KLHL24: variants seen among roughly 807,000 people sequenced by gnomAD.
KLHL24 encodes the protein kelch like family member 24.
In KLHL24, 29 loss-of-function variants were observed where a neutral mutation model predicts 53.4. That is an observed-to-expected ratio of 0.54 (90% CI 0.40 to 0.74). The LOEUF (loss-of-function observed/expected upper bound fraction) is 0.74, where lower values mean the gene tolerates loss of function less well. KLHL24 is among the 30% of genes least tolerant of loss of function. The pLI, the probability that KLHL24 is intolerant of heterozygous loss-of-function variation, is 0.00. For synonymous variants in KLHL24, 222 were observed against 253.7 expected, an observed-to-expected ratio of 0.88 and a Z score of 1.19; for missense variants, 504 against 744.0, an observed-to-expected ratio of 0.68 and a Z score of 3.75.
chr3:183,652,087 A>G (rs1447914318), intron 3 of KLHL24, among the ~76,000 whole-genome samples: 1 of 152,258 alleles, frequency 6.6e-6, no homozygotes, highest in Non-Finnish European at 1.5e-5. Context: ...CTCAAATATT[A>G]CTTAATTGTC....
intron 1 of KLHL24, among the ~76,000 whole-genome samples, 179 bp downstream of exon 1, chr3:183,635,972 G>C (rs1385746983): frequency 6.6e-6 from 1 of 152,156 alleles, no homozygotes; most frequent in Non-Finnish European, 1.5e-5. Flanking sequence ...TTCACCTGGG[G>C]GGTCTTCCTC....
At chr3:183,654,583 TTAATAA>T (rs1718592597) in intron 3 of KLHL24, among the ~76,000 whole-genome samples, 1 of 152,198 alleles carries the variant, frequency 6.6e-6, no homozygotes, top group South Asian at 2.1e-4. Flanking sequence ...ACATTTAAAC[TTAATAA>T]TAATAATTCA....
intron 5 of KLHL24, among the ~76,000 whole-genome samples, chr3:183,670,192 G>C (rs917414872): frequency 6.6e-6 from 1 of 152,176 alleles, no homozygotes; most frequent in African/African-American, 2.4e-5. Context: ...TTGAACCTCG[G>C]AGGTTGAGGC....
At chr3:183,636,232 G>C (rs1320402451) in intron 1 of KLHL24, 1 of 152,332 alleles carries the variant, frequency 6.6e-6, no homozygotes, top group African/African-American at 2.4e-5. Flanking sequence ...AAGCCCGGGG[G>C]AGTGCGACCG....
chr3:183,637,000 G>C (rs1577243185), intron 1 of KLHL24, among the ~76,000 whole-genome samples: 1 of 152,286 alleles, frequency 6.6e-6, no homozygotes, highest in South Asian at 2.1e-4. Flanking sequence ...TTATCTGCCG[G>C]GTGGTTCGCA....
At chr3:183,642,670 A>G (rs1716626080) in intron 1 of KLHL24, among the ~76,000 whole-genome samples, 1 of 150,446 alleles carries the variant, frequency 6.6e-6, no homozygotes, top group African/African-American at 2.4e-5. Context: ...GGATATGGGG[A>G]TTAAGTTTCT....
intron 3 of KLHL24, among the ~76,000 whole-genome samples, chr3:183,658,080 G>T (rs1445385270): frequency 1.3e-5 from 2 of 152,064 alleles, no homozygotes; most frequent in East Asian, 3.9e-4. Flanking sequence ...GGGTGTGGTG[G>T]TGGACACCTG....
In KLHL24 at chr3:183,650,946, A is replaced by G. The variant is rs116961268; in HGVS notation, c.590A>G (p.Asp197Gly). ...CKNFALQTFE[D>G]VSQHEEFLEL... ...AATTTTGCGTTACAGACTTTTGAGG[A>G]TGTATCCCAGCACGAAGAATTTCTT... The change falls in exon 3 of 8, where the codon GAT becomes GGT. Residue 197 changes from aspartate to glycine, a missense_variant. Physicochemically the swap from Asp to Gly is moderately conservative, Grantham distance 94 (BLOSUM62 -1). Transcript: ENST00000242810. The surrounding 1 kb of genome is among the most constrained non-coding windows in gnomAD (Gnocchi z 4.5). 2 of 1,614,214 alleles carry G rather than the reference A, an allele frequency of 1.2e-6. No homozygotes were observed. Among genetic ancestry groups the G allele is most frequent in the Middle Eastern group, 1.6e-4 (1 of 6,062 alleles).
rs776974028 is a variant in KLHL24, at chr3:183,671,139, G to A, written c.1330G>A (p.Val444Met). The A allele has an allele frequency of 4.5e-5, 73 of 1,614,058 alleles. No homozygotes were observed. The highest frequency in any genetic ancestry group is 6.0e-5 in the Non-Finnish European group (71 of 1,179,974). The change falls in exon 6 of 8, where the codon GTG (valine) becomes ATG (methionine). Residue 444 changes from valine to methionine, a missense_variant. Val to Met is a conservative substitution (Grantham distance 21). Coordinates refer to ENST00000242810, the MANE Select transcript of KLHL24 (RefSeq NM_017644.3). ...WTEVAPLKEA[V>M]SSPAVTSCVG... The stretch of plus-strand genomic sequence containing the variant: ...TGAAGTTGCTCCCCTTAAGGAAGCC[G>A]TGAGTTCTCCTGCAGTGACTAGCTG...
chr3:183,639,439 G>C (rs1053257763), intron 1 of KLHL24, among the ~76,000 whole-genome samples: 2 of 151,652 alleles, frequency 1.3e-5, no homozygotes, highest in Non-Finnish European at 2.9e-5. Context: ...GACCATCCTG[G>C]CTAACACGGA....
intron 2 of KLHL24, among the ~76,000 whole-genome samples, chr3:183,648,166 G>A (rs1315521604): frequency 6.6e-6 from 1 of 152,128 alleles, no homozygotes; most frequent in African/African-American, 2.4e-5. Flanking sequence ...TTCAGTGAGA[G>A]AATTCATGAA....
At chr3:183,637,192 C>T (rs956759996) in intron 1 of KLHL24, among the ~76,000 whole-genome samples, 1 of 152,174 alleles carries the variant, frequency 6.6e-6, no homozygotes, top group Admixed American at 6.5e-5. Context: ...TCAAAAATCA[C>T]GTCTTTGTAT....
At chr3:183,674,242 A>ATT (rs1416442141) in intron 7 of KLHL24, among the ~76,000 whole-genome samples, 2 of 108,538 alleles carry the variant, frequency 1.8e-5, no homozygotes, top group African/African-American at 6.9e-5. Flanking sequence ...TTTAGCATCA[A>ATT]TTTTCTTTCT....
At chr3:183,672,674 G>A (rs139710544) in intron 7 of KLHL24, 190 bp downstream of exon 7, 7,180 of 346,830 alleles carry the variant, frequency 0.021, 106 homozygotes, top group Middle Eastern at 0.041. Flanking sequence ...AGACCAGCCT[G>A]GCTAATATGG....
intron 3 of KLHL24, among the ~76,000 whole-genome samples, chr3:183,653,141 A>G (rs1718362024): frequency 1.3e-5 from 2 of 152,230 alleles, no homozygotes; most frequent in South Asian, 4.1e-4. Context: ...CTATTTATAA[A>G]TTGCAGTATC....
chr3:183,656,059 T>TTTTTTTTTTTTTTTTC (rs1178459038), intron 3 of KLHL24, among the ~76,000 whole-genome samples: 1 of 135,766 alleles, frequency 7.4e-6, no homozygotes, highest in Non-Finnish European at 1.6e-5. Flanking sequence ...TTTTTTTTTT[T>TTTTTTTTTTTTTTTTC]TTTCTGAGAC....
intron 5 of KLHL24, among the ~76,000 whole-genome samples, chr3:183,666,392 A>C (rs1230608959): frequency 6.6e-6 from 1 of 151,988 alleles, no homozygotes; most frequent in Non-Finnish European, 1.5e-5. Flanking sequence ...CCTCCCAAGT[A>C]GCCAAGGCCA....
chr3:183,636,957 C>T (rs1408659131), intron 1 of KLHL24, among the ~76,000 whole-genome samples: 1 of 152,154 alleles, frequency 6.6e-6, no homozygotes, highest in African/African-American at 2.4e-5. Context: ...CCTCCGAGGA[C>T]CGGAAAATTA....
At chr3:183,651,324 C>T in intron 3 of KLHL24, 48 bp downstream of exon 3, 1 of 1,340,980 alleles carries the variant, frequency 7.5e-7, no homozygotes, top group Middle Eastern at 1.9e-4. Flanking sequence ...TTTAATATAT[C>T]TTTAAACCTC....
Sources: gnomAD v4.1 joint callset for allele counts (sites outside exome capture counted in the v4.1 genomes callset) on GRCh38, gnomAD v4.1.1 for gene constraint, Gnocchi (gnomAD v3.1) non-coding constraint, MANE v1.5 for transcripts, NCBI Gene and HGNC (gene_info 2026-07-23, HGNC 2026-07-21) for gene names.